Variants in ACAA1 observed in about 807,000 individuals in gnomAD.
ACAA1 encodes the protein 3-ketoacyl-CoA thiolase, peroxisomal.
Under a neutral mutation model 48.8 loss-of-function variants are expected in ACAA1, and 44 were observed. The ratio of observed to expected loss-of-function variants is 0.90; its 90% CI spans 0.71 to 1.16. The LOEUF (loss-of-function observed/expected upper bound fraction) is 1.16. ACAA1 is among the 50% of genes most tolerant of loss of function. The pLI is 0.00. For missense variants in ACAA1, 512 were observed against 562.3 expected (o/e 0.91, Z 0.90); for synonymous variants, 233 against 226.5 (o/e 1.03, Z -0.26).
At chr3:38,135,242 AG>A (rs1175764808) in intron 2 of ACAA1, 2 of 152,182 alleles carry the variant, frequency 1.3e-5, no homozygotes, top group African/African-American at 4.8e-5. Flanking sequence ...TTGCCTGAAG[AG>A]GGCCTGCCCC....
intron 3 of ACAA1, among the ~76,000 whole-genome samples, chr3:38,132,800 C>G (rs186658932): frequency 3.9e-5 from 6 of 152,284 alleles, no homozygotes; most frequent in African/African-American, 1.4e-4. Context: ...TCTGCAGAGA[C>G]TCTCTCAGGG....
rs1443112459 is a variant in ACAA1, at chr3:38,131,607, G to A, written c.435C>T (p.Gly145=). The A allele has an allele frequency of 6.2e-7, 1 of 1,614,180 alleles. No homozygotes were observed. The highest frequency in any genetic ancestry group is 8.5e-7 in the Non-Finnish European group (1 of 1,180,016). ...GGIRNGSYDI[G]MACGVESMSL... ...AAAAAAATTCTTACCCACAGGCCAT[G>A]CCAATGTCATAAGACCCATTTCTGA... Residue 145 remains glycine, a synonymous_variant, in exon 5 of 12, where the codon GGC becomes GGT. Transcript: ENST00000333167.
At position 38,135,834 on chromosome 3, in the gene ACAA1, C is replaced by T. The variant is rs1960781; in HGVS notation, c.265+758G>A. Among the ~76,000 whole-genome samples the T allele has an allele frequency of 4.4e-3, 669 of 152,164 alleles. 9 individuals carry two copies. Among genetic ancestry groups the T allele is most frequent in the African/African-American group, 0.016 (644 of 41,514 alleles). On this transcript the variant is annotated intron_variant, in intron 2 of 11. Transcript: ENST00000333167. ...CCCTTTACGGGTGTCTGCAAAGAGGCCTTCCTCTTTTACTAATACTCCTCA... is the reference window on the plus strand; with the variant it reads ...CCCTTTACGGGTGTCTGCAAAGAGGTCTTCCTCTTTTACTAATACTCCTCA...
intron 11 of ACAA1, chr3:38,124,377 G>A (rs1700627938): frequency 6.6e-6 from 1 of 152,156 alleles, no homozygotes; most frequent in Non-Finnish European, 1.5e-5. Flanking sequence ...AAGCTAAGGT[G>A]GGAAGATCAC....
In ACAA1 at chr3:38,136,651, A is replaced by G. The variant is rs777940485; in HGVS notation, c.206T>C (p.Met69Thr). 2.9e-5 allele frequency: 47 copies of G among 1,613,834 alleles called. No individual in the cohort carries two copies. The highest frequency in any genetic ancestry group is 3.8e-5 in the Non-Finnish European group (45 of 1,179,932). The change falls in exon 2 of 12, where the codon ATG (methionine) becomes ACG (threonine). Residue 69 changes from methionine (M) to threonine (T), a missense_variant. Physicochemically the swap from Met to Thr is moderately conservative, Grantham distance 81 (BLOSUM62 -1). Transcript: ENST00000333167. ...TTPDELLSAV[M>T]TAVLKDVNLR... ...ATTCACGTCCTTGAGAACCGCGGTC[A>G]TGACTGCCGAGAGAAGCTCGTCGGG... is the stretch of plus-strand genomic sequence containing the variant.
intron 2 of ACAA1, among the ~76,000 whole-genome samples, chr3:38,136,271 A>G (rs1240139231): frequency 6.6e-6 from 1 of 152,114 alleles, no homozygotes; most frequent in Non-Finnish European, 1.5e-5. Context: ...TAACAGTCTG[A>G]TCTCTCTTCC....
rs868494047 is a variant in ACAA1, at chr3:38,126,465, G to A, written c.817+45C>T. On this transcript the variant is annotated intron_variant, in intron 8 of 11. Transcript: ENST00000333167. This position sits in a 1 kb window ranked among gnomAD's most constrained non-coding sequence, Gnocchi z 4.7. The stretch of plus-strand genomic sequence containing the variant: ...GTTCCCAGAGTACAGCACCCAGCAT[G>A]GCCATGGCCTGCTTTCTCATACCCC... 3.7e-6 allele frequency: 6 copies of A among 1,613,882 alleles called. No homozygotes were observed. Among genetic ancestry groups the A allele is most frequent in the Non-Finnish European group, 5.1e-6 (6 of 1,179,850 alleles).
chr3:38,125,746 A>G (rs370778921), intron 10 of ACAA1, 36 bp from the exon 11 acceptor site: 42 of 1,612,868 alleles, frequency 2.6e-5, no homozygotes, highest in Non-Finnish European at 7.6e-6. Context: ...TAGCCCTCTT[A>G]CCCCTCCCCT....
chr3:38,125,848 A>T lies in ACAA1; in HGVS notation c.1031T>A (p.Ile344Asn). The T allele has an allele frequency of 1.2e-6, 2 of 1,614,166 alleles. No homozygotes were observed. Among genetic ancestry groups the T allele is most frequent in the African/African-American group, 2.7e-5 (2 of 75,044 alleles). ...CACCTGGCTTGCAAAGGCCTCATTG[A>T]TCTCGAAGATGTCCACGTCACTCAC... ...LTVSDVDIFE[I>N]NEAFASQAAY... is the part of the protein sequence containing the mutation. The change falls in exon 10 of 12, where the codon ATC (isoleucine) becomes AAC (asparagine). Residue 344 changes from isoleucine (I) to asparagine (N), a missense_variant. Physicochemically the swap from Ile to Asn is moderately radical, Grantham distance 149 (BLOSUM62 -3). Transcript: ENST00000333167.
rs1360110179 is a variant in ACAA1 at position 38,129,868 on chromosome 3, T to C, written c.447-480A>G. On this transcript the variant is annotated intron_variant, in intron 5 of 11. Coordinates refer to ENST00000333167, the MANE Select transcript of ACAA1 (RefSeq NM_001607.4). The surrounding 1 kb of genome is among the most constrained non-coding windows in gnomAD (Gnocchi z 5.3). The stretch of plus-strand genomic sequence containing the variant: ...AGGCGGGCAGATCATGAGGCTAACA[T>C]GGTGAAACCCCGCCTCTACTAAAAA... Among the ~76,000 whole-genome samples the C allele has an allele frequency of 6.6e-6, 1 of 151,964 alleles. No individual in the cohort carries two copies. Among genetic ancestry groups the C allele is most frequent in the Non-Finnish European group, 1.5e-5 (1 of 67,968 alleles).
intron 10 of ACAA1, 34 bp downstream of exon 10, chr3:38,125,792 A>G: frequency 1.2e-6 from 2 of 1,614,166 alleles, no homozygotes; most frequent in Non-Finnish European, 1.7e-6. Context: ...TCGGCTGTCC[A>G]GGGCAAAGGC....
chr3:38,126,300 G>A lies in ACAA1; in HGVS notation c.859C>T (p.Leu287=). 6.2e-7 allele frequency: 1 copy of A among 1,614,144 alleles called. No homozygotes were observed. Among genetic ancestry groups the A allele is most frequent in the Non-Finnish European group, 8.5e-7 (1 of 1,180,008 alleles). The change falls in exon 9 of 12, where the codon CTG becomes TTG. Residue 287 remains leucine, a synonymous_variant. Transcript: ENST00000333167. The surrounding 1 kb of genome is among the most constrained non-coding windows in gnomAD (Gnocchi z 4.7). ...QVSDGAAAIL[L]ARRSKAEELG... is the part of the protein sequence containing the mutation. ...TCTTCTGCCTTGGACCTCCGGGCCA[G>A]CAGGATGGCAGCTGCCCCATCACTC... is the stretch of plus-strand genomic sequence containing the variant.
chr3:38,133,192 A>G (rs892112063), intron 3 of ACAA1, among the ~76,000 whole-genome samples: 1 of 152,172 alleles, frequency 6.6e-6, no homozygotes, highest in Non-Finnish European at 1.5e-5. Context: ...AGGTAGGGCT[A>G]GCACTTCAAG....
chr3:38,126,457 C>T lies in ACAA1; in HGVS notation c.817+53G>A, dbSNP rs778578629. 69 of 1,613,410 alleles carry T rather than the reference C, an allele frequency of 4.3e-5. No homozygotes were observed. Among genetic ancestry groups the T allele is most frequent in the Non-Finnish European group, 5.0e-5 (59 of 1,179,584 alleles). ...TATTCCAGGTTCCCAGAGTACAGCA[C>T]CCAGCATGGCCATGGCCTGCTTTCT... On this transcript the variant is annotated intron_variant, in intron 8 of 11. Transcript: ENST00000333167. This position sits in a 1 kb window ranked among gnomAD's most constrained non-coding sequence, Gnocchi z 4.7.
Position 38,129,150 on chromosome 3 carries a change from C to T in ACAA1, c.545+140G>A, listed in dbSNP as rs1700737040. The T allele has an allele frequency of 1.4e-6, 1 of 700,540 alleles. No homozygotes were observed. The highest frequency in any genetic ancestry group is 2.4e-6 in the Non-Finnish European group (1 of 419,792). The allele number at this position is 700,540 out of a possible 1,614,324, so 43.4% of individuals were successfully genotyped here. A position where few individuals can be genotyped will look rare whatever the true frequency, so the allele number is the denominator to read the frequency against. On this transcript the variant is annotated intron_variant, in intron 6 of 11. Coordinates refer to ENST00000333167, the MANE Select transcript of ACAA1 (RefSeq NM_001607.4). The surrounding 1 kb of genome is among the most constrained non-coding windows in gnomAD (Gnocchi z 5.3). Reference sequence around the variant, plus strand: ...CAAGGGCAACATCAAGTCTCATCCCCAAAGTCCCTGCGGAGCAGACCATGC... The same window carrying T: ...CAAGGGCAACATCAAGTCTCATCCCTAAAGTCCCTGCGGAGCAGACCATGC...
chr3:38,136,191 G>A (rs931349414), intron 2 of ACAA1, among the ~76,000 whole-genome samples: 5 of 152,120 alleles, frequency 3.3e-5, no homozygotes, highest in Non-Finnish European at 7.3e-5. Flanking sequence ...AGCATCTCAA[G>A]GCAGAAAAAT....
intron 6 of ACAA1, among the ~76,000 whole-genome samples, chr3:38,128,245 A>T (rs1426280679): frequency 6.6e-6 from 1 of 151,982 alleles, no homozygotes; most frequent in African/African-American, 2.4e-5. Flanking sequence ...CTAGTTGGCT[A>T]CTCCTGGCCA....
intron 2 of ACAA1, chr3:38,134,536 A>G (rs1222593289): frequency 2.2e-6 from 1 of 456,122 alleles, no homozygotes; most frequent in Non-Finnish European, 4.4e-6. Flanking sequence ...GGAAGACATA[A>G]GAAACTCCAT....
At chr3:38,134,127 AG>A in intron 2 of ACAA1, 118 bp from the exon 3 acceptor site, 1 of 997,542 alleles carries the variant, frequency 1.0e-6, no homozygotes, top group Non-Finnish European at 1.5e-6. Context: ...AGCCCTTGGC[AG>A]GCTCACTTGC....
Sources: allele counts gnomAD v4.1 joint callset (sites outside exome capture counted in the v4.1 genomes callset), GRCh38; gene constraint gnomAD v4.1.1; non-coding constraint Gnocchi (gnomAD v3.1); transcripts MANE v1.5; gene names NCBI Gene and HGNC (gene_info 2026-07-23, HGNC 2026-07-21).